NT5C3B: variants seen among roughly 807,000 people sequenced by gnomAD.
NT5C3B encodes the protein 7-methylguanosine phosphate-specific 5'-nucleotidase.
A neutral mutation model predicts 32.5 loss-of-function variants in NT5C3B; 28 were observed. The ratio of observed to expected loss-of-function variants is 0.86; its 90% CI spans 0.64 to 1.18. The LOEUF (loss-of-function observed/expected upper bound fraction) is 1.18, where lower values mean the gene tolerates loss of function less well. Among genes scored for constraint, NT5C3B ranks in the 50% most tolerant of loss-of-function variants. NT5C3B has a pLI of 0.00. For missense variants in NT5C3B, 317 were observed against 322.0 expected, an observed-to-expected ratio of 0.98 and a Z score of 0.12; for synonymous variants, 138 against 118.0, an observed-to-expected ratio of 1.17 and a Z score of -1.10.
chr17:41,830,002 C>G (rs964418166), intron 6 of NT5C3B, among the ~76,000 whole-genome samples: 1 of 152,178 alleles, frequency 6.6e-6, no homozygotes, highest in Non-Finnish European at 1.5e-5. Flanking sequence ...GCTAGCCAAT[C>G]TCCCCAATTA....
At chr17:41,833,921 T>G (rs1246770075) in intron 4 of NT5C3B, among the ~76,000 whole-genome samples, 1 of 152,098 alleles carries the variant, frequency 6.6e-6, no homozygotes, top group South Asian at 2.1e-4. Flanking sequence ...AAAATGAGAA[T>G]TGACCAAGTA....
At position 41,835,077 on chromosome 17, in the gene NT5C3B, C is replaced by T. The variant is rs1308079964; in HGVS notation, c.221G>A (p.Arg74Gln). Residue 74 changes from arginine (R) to glutamine (Q), a missense_variant, in exon 4 of 9, where the codon CGG (arginine) becomes CAG (glutamine). Arg to Gln is a conservative substitution (Grantham distance 43). Transcript: ENST00000435506. The part of the protein sequence containing the change: ...DNSKIISEEC[R>Q]KELTALLHHY... Reference sequence around the variant, plus strand: ...AGGACGGGAGCAACCCACCTCTTTCCGACACTCCTCACTGATGATCTTGCT... The same window carrying T: ...AGGACGGGAGCAACCCACCTCTTTCTGACACTCCTCACTGATGATCTTGCT... The T allele has an allele frequency of 5.0e-6, 8 of 1,614,036 alleles. No homozygotes were observed. The highest frequency in any genetic ancestry group is 6.8e-6 in the Non-Finnish European group (8 of 1,179,944).
At chr17:41,832,530 A>T in intron 4 of NT5C3B, 53 bp from the exon 5 acceptor site, 2 of 1,518,044 alleles carry the variant, frequency 1.3e-6, no homozygotes. Context: ...AGTTCTTCCC[A>T]GCAACGTCCT....
intron 1 of NT5C3B, 22 bp from the exon 2 acceptor site, chr17:41,835,979 C>G (rs782695597): frequency 1.4e-5 from 21 of 1,555,024 alleles, no homozygotes; most frequent in Non-Finnish European, 1.8e-5. Flanking sequence ...CCCGAGAGAA[C>G]CACTGACCCC....
In NT5C3B at chr17:41,828,651, A is replaced by G. The variant is rs1230655673; in HGVS notation, c.567+139T>C. On this transcript the variant is annotated intron_variant, in intron 7 of 8. Transcript: ENST00000435506. ...CGCGCCTGGCCAAAAAGTAACCCAT[A>G]AACAACTGCCTGAGGGTGAAGAAGC... The G allele has an allele frequency of 3.7e-6, 3 of 814,050 alleles. No individual in the cohort carries two copies. In the South Asian group the frequency reaches 5.4e-5, roughly 15 times the overall value. The allele number at this position is 814,050 out of a possible 1,614,324, so 50.4% of individuals were successfully genotyped here.
intron 4 of NT5C3B, 138 bp from the exon 5 acceptor site, chr17:41,832,615 C>G (rs2048071134): frequency 6.8e-6 from 4 of 584,888 alleles, no homozygotes; most frequent in Non-Finnish European, 1.3e-5. Context: ...CACCTGCAAT[C>G]CCAGTGCTTT....
intron 4 of NT5C3B, 75 bp downstream of exon 4, chr17:41,834,995 T>G: frequency 7.1e-7 from 1 of 1,403,392 alleles, no homozygotes; most frequent in Non-Finnish European, 1.0e-6. Flanking sequence ...TATACTGGAA[T>G]CTTTGGTTCC....
At chr17:41,831,954 G>A (rs2048059124) in intron 5 of NT5C3B, among the ~76,000 whole-genome samples, 1 of 152,190 alleles carries the variant, frequency 6.6e-6, no homozygotes. Flanking sequence ...TACTTGGGAA[G>A]CTGAGGTGGG....
chr17:41,830,176 T>A (rs782480154), intron 6 of NT5C3B, among the ~76,000 whole-genome samples: 1 of 152,146 alleles, frequency 6.6e-6, no homozygotes, highest in African/African-American at 2.4e-5. Context: ...AGAACACCAG[T>A]CACCAGACAG....
At chr17:41,829,675 C>A (rs1255120534) in intron 6 of NT5C3B, among the ~76,000 whole-genome samples, 1 of 152,206 alleles carries the variant, frequency 6.6e-6, no homozygotes, top group African/African-American at 2.4e-5. Flanking sequence ...TGCAATGCAG[C>A]ATTATTCCAC....
intron 8 of NT5C3B, 76 bp downstream of exon 8, chr17:41,827,350 T>A: frequency 1.7e-6 from 1 of 586,520 alleles, no homozygotes; most frequent in East Asian, 2.9e-5. Flanking sequence ...AAAGAGAATG[T>A]GTTCAAAGGC....
In NT5C3B at chr17:41,825,268, G is replaced by C; in HGVS notation, c.*255C>G. ...TTTAAAAATTTTGAAGAAAATCCCTGGAGTAGACAATCCCTAGAGCACTGA... is the reference window on the plus strand; with the variant it reads ...TTTAAAAATTTTGAAGAAAATCCCTCGAGTAGACAATCCCTAGAGCACTGA... On this transcript the variant is annotated 3_prime_UTR_variant, in exon 9 of 9. Coordinates refer to ENST00000435506, the MANE Select transcript of NT5C3B (RefSeq NM_052935.5). 2.3e-6 allele frequency: 1 copy of C among 433,364 alleles called. No homozygotes were observed. The highest frequency in any genetic ancestry group is 4.1e-6 in the Non-Finnish European group (1 of 243,668). 26.8% of individuals were successfully genotyped at this position (433,364 alleles called of 1,614,324 possible).
chr17:41,825,083 G>A lies in NT5C3B; in HGVS notation c.*440C>T, dbSNP rs573163199. ...CGGATGGGGTCTCAGGCCAATTTGT[G>A]GTGGTTCTCAAACTGTGTTCCTAGA... On this transcript the variant is annotated 3_prime_UTR_variant, in exon 9 of 9. Transcript: ENST00000435506. The A allele has an allele frequency of 4.4e-5, 7 of 157,546 alleles. No homozygotes were observed. Among genetic ancestry groups the A allele is most frequent in the African/African-American group, 1.4e-4 (6 of 41,682 alleles). 9.8% of individuals were successfully genotyped at this position (157,546 alleles called of 1,614,324 possible). A position where few individuals can be genotyped will look rare whatever the true frequency, so the allele number is the denominator to read the frequency against.
chr17:41,825,593 A>G lies in NT5C3B; in HGVS notation c.833T>C (p.Leu278Pro). 4 of 872,868 alleles carry G rather than the reference A, an allele frequency of 4.6e-6. No individual in the cohort carries two copies. The highest frequency in any genetic ancestry group is 8.0e-6 in the Non-Finnish European group (4 of 501,688). 54.1% of individuals were successfully genotyped at this position (872,868 alleles called of 1,614,324 possible). A position where few individuals can be genotyped will look rare whatever the true frequency, so the allele number is the denominator to read the frequency against. The stretch of plus-strand genomic sequence containing the variant: ...CTGCAGTAGCCCGTTGACCACATCC[A>G]GAGTCTCGTCCTTCTCCAGCACGAT... ...YDIVLEKDET[L>P]DVVNGLLQHI... Residue 278 changes from leucine (L) to proline (P), a missense_variant, in exon 9 of 9, where the codon CTG becomes CCG. Leu to Pro is a moderately conservative substitution (Grantham distance 98). Transcript: ENST00000435506.
intron 4 of NT5C3B, among the ~76,000 whole-genome samples, chr17:41,833,732 C>T (rs1407006663): frequency 6.6e-6 from 1 of 152,132 alleles, no homozygotes; most frequent in African/African-American, 2.4e-5. Flanking sequence ...GAAGACTGTA[C>T]TTTGGGACAC....
Position 41,825,592 on chromosome 17 carries a change from C to G in NT5C3B, c.834G>C (p.Leu278=). 1.1e-6 allele frequency: 1 copy of G among 872,894 alleles called. No individual in the cohort carries two copies. Among genetic ancestry groups the G allele is most frequent in the Non-Finnish European group, 2.0e-6 (1 of 501,696 alleles). 54.1% of individuals were successfully genotyped at this position (872,894 alleles called of 1,614,324 possible). A position where few individuals can be genotyped will look rare whatever the true frequency, so the allele number is the denominator to read the frequency against. Residue 278 remains leucine, a synonymous_variant, in exon 9 of 9, where the codon CTG becomes CTC. Transcript: ENST00000435506. The part of the protein sequence containing the change: ...YDIVLEKDET[L]DVVNGLLQHI... Reference sequence around the variant, plus strand: ...GCTGCAGTAGCCCGTTGACCACATCCAGAGTCTCGTCCTTCTCCAGCACGA... The same window carrying G: ...GCTGCAGTAGCCCGTTGACCACATCGAGAGTCTCGTCCTTCTCCAGCACGA...
chr17:41,830,916 C>G (rs1555618943), intron 5 of NT5C3B, 26 bp from the exon 6 acceptor site: 2 of 1,424,136 alleles, frequency 1.4e-6, no homozygotes, highest in Non-Finnish European at 2.0e-6. Flanking sequence ...CCAGAAAACC[C>G]CAAATTCAAA....
At chr17:41,834,401 C>CACACAT (rs1430412815) in intron 4 of NT5C3B, among the ~76,000 whole-genome samples, 2 of 148,748 alleles carry the variant, frequency 1.3e-5, no homozygotes, top group Non-Finnish European at 3.0e-5. Flanking sequence ...AATACACACA[C>CACACAT]ACACACACAC....
intron 4 of NT5C3B, among the ~76,000 whole-genome samples, chr17:41,834,810 C>T (rs2048116826): frequency 6.6e-6 from 1 of 152,120 alleles, no homozygotes; most frequent in South Asian, 2.1e-4. Context: ...GTTGCTGAAC[C>T]TCCAGAATGT....
Sources: gnomAD v4.1 joint callset for allele counts (sites outside exome capture counted in the v4.1 genomes callset) on GRCh38, gnomAD v4.1.1 for gene constraint, MANE v1.5 for transcripts, NCBI Gene and HGNC (gene_info 2026-07-23, HGNC 2026-07-21) for gene names.